The following STK32B variants were observed in gnomAD, a reference collection of about 807,000 sequenced individuals.
STK32B encodes serine/threonine kinase 32B.
A neutral mutation model predicts 52.6 loss-of-function variants in STK32B; 43 were observed. That is an observed-to-expected ratio of 0.82 (90% CI 0.64 to 1.05). The LOEUF (loss-of-function observed/expected upper bound fraction) is 1.05, where lower values mean the gene tolerates loss of function less well. Ranked by LOEUF, STK32B falls within the 50% of genes least tolerant of loss-of-function variation. STK32B has a pLI of 0.00. For missense variants in STK32B, 621 were observed against 534.6 expected (o/e 1.16, Z -1.59); for synonymous variants, 238 against 204.3 (o/e 1.17, Z -1.41).
chr4:5,102,446 T>TTCCTTCCTTCCTTCC (rs1450828668), intron 1 of STK32B, among the ~76,000 whole-genome samples: 3 of 54,444 alleles, frequency 5.5e-5, no homozygotes, highest in Non-Finnish European at 9.3e-5. Flanking sequence ...GCTTCCTTCC[T>TTCCTTCCTTCCTTCC]TCCTTCCTTC....
At chr4:5,190,376 T>A (rs1428022047) in intron 3 of STK32B, among the ~76,000 whole-genome samples, 1 of 152,118 alleles carries the variant, frequency 6.6e-6, no homozygotes, top group Non-Finnish European at 1.5e-5. Flanking sequence ...GAACTTTGCT[T>A]CTCCATTTTG....
At chr4:5,338,568 G>A (rs1488084944) in intron 4 of STK32B, among the ~76,000 whole-genome samples, 1 of 151,304 alleles carries the variant, frequency 6.6e-6, no homozygotes, top group African/African-American at 2.4e-5. Flanking sequence ...CAAATTCCCT[G>A]AGACACTAAG....
intron 3 of STK32B, among the ~76,000 whole-genome samples, chr4:5,320,360 C>G (rs946344337): frequency 1.3e-5 from 2 of 152,174 alleles, no homozygotes; most frequent in African/African-American, 4.8e-5. Context: ...ATTTTCATTA[C>G]TAAGGCTGCA....
intron 11 of STK32B, among the ~76,000 whole-genome samples, chr4:5,487,232 A>T (rs1462961929): frequency 6.6e-6 from 1 of 152,158 alleles, no homozygotes; most frequent in Non-Finnish European, 1.5e-5. Context: ...AAAAGGCCAG[A>T]AGGAAAAATC....
At chr4:5,334,125 C>A (rs1311232545) in intron 4 of STK32B, among the ~76,000 whole-genome samples, 2 of 151,854 alleles carry the variant, frequency 1.3e-5, no homozygotes, top group East Asian at 1.9e-4. Context: ...AATGTTCTTC[C>A]ATTTCTTTGT....
intron 3 of STK32B, among the ~76,000 whole-genome samples, chr4:5,222,338 C>T (rs1227620983): frequency 2.0e-5 from 3 of 152,128 alleles, no homozygotes; most frequent in African/African-American, 7.2e-5. Flanking sequence ...GAAGTGAATA[C>T]TGTAGAAACT....
intron 3 of STK32B, among the ~76,000 whole-genome samples, chr4:5,183,525 G>C (rs931915041): frequency 2.0e-5 from 3 of 151,754 alleles, no homozygotes; most frequent in African/African-American, 7.3e-5. Flanking sequence ...ACCGGCCATT[G>C]AATTCTTTCT....
At chr4:5,424,034 C>G (rs1390637208) in intron 6 of STK32B, among the ~76,000 whole-genome samples, 1 of 152,118 alleles carries the variant, frequency 6.6e-6, no homozygotes, top group Non-Finnish European at 1.5e-5. Flanking sequence ...GGCACCTGTT[C>G]CTGCTGCCTG....
chr4:5,495,655 C>A (rs1282237898), intron 11 of STK32B, among the ~76,000 whole-genome samples: 1 of 152,100 alleles, frequency 6.6e-6, no homozygotes, highest in African/African-American at 2.4e-5. Flanking sequence ...AGGCACTCTG[C>A]TTTTTAGAGT....
intron 3 of STK32B, among the ~76,000 whole-genome samples, chr4:5,221,456 CTGGGATGGATAA>C (rs1425412642): frequency 6.6e-6 from 1 of 152,056 alleles, no homozygotes; most frequent in East Asian, 1.9e-4. Context: ...TTACTGTTTG[CTGGGATGGATAA>C]TACAGATGCT....
rs757657408 is a variant in STK32B at position 5,394,089 on chromosome 4, C to T, written c.435-4118C>T. On this transcript the variant is annotated intron_variant, in intron 4 of 11. Transcript: ENST00000282908. This position sits in a 1 kb window ranked among gnomAD's most constrained non-coding sequence, Gnocchi z 4.2. ...GACACATGCAGAAACATCCTGGTGG[C>T]CCTGCTTTGCAGTCTGTGCATGGGT... is the stretch of plus-strand genomic sequence containing the variant. 6.6e-6 allele frequency among the ~76,000 whole-genome samples: 1 copy of T among 152,212 alleles called. No individual in the cohort carries two copies. Among genetic ancestry groups the T allele is most frequent in the East Asian group, 1.9e-4 (1 of 5,198 alleles).
At chr4:5,112,466 G>A (rs1328304305) in intron 1 of STK32B, among the ~76,000 whole-genome samples, 1 of 152,054 alleles carries the variant, frequency 6.6e-6, no homozygotes. Flanking sequence ...GTCCAAAGAG[G>A]GCTGATGTCC....
At chr4:5,481,000 G>A (rs1718653780) in intron 11 of STK32B, among the ~76,000 whole-genome samples, 1 of 152,018 alleles carries the variant, frequency 6.6e-6, no homozygotes, top group South Asian at 2.1e-4. Flanking sequence ...CATTTGGCTT[G>A]GTTCCAAGTC....
chr4:5,102,910 CCCTCCCCTCCCTTCT>C (rs1451544874), intron 1 of STK32B, among the ~76,000 whole-genome samples: 5 of 103,122 alleles, frequency 4.8e-5, no homozygotes, highest in African/African-American at 1.8e-4. Flanking sequence ...TTCCTCCCTC[CCCTCCCCTCCCTTCT>C]CCTCCCCTCC....
At chr4:5,281,731 A>AC (rs1728211381) in intron 3 of STK32B, among the ~76,000 whole-genome samples, 1 of 152,234 alleles carries the variant, frequency 6.6e-6, no homozygotes, top group Non-Finnish European at 1.5e-5. Context: ...AAAAAGCAAG[A>AC]CAAGAGTAAG....
intron 1 of STK32B, among the ~76,000 whole-genome samples, chr4:5,060,847 CCT>C (rs1242313136): frequency 1.3e-5 from 2 of 151,790 alleles, no homozygotes; most frequent in African/African-American, 4.8e-5. Flanking sequence ...TGTCTTTTGC[CCT>C]CCATTGTTTC....
intron 3 of STK32B, among the ~76,000 whole-genome samples, chr4:5,246,989 G>C (rs1266886721): frequency 2.0e-5 from 3 of 152,194 alleles, no homozygotes; most frequent in African/African-American, 7.2e-5. Context: ...CCCTACTGGG[G>C]GGTACCTCCC....
intron 5 of STK32B, among the ~76,000 whole-genome samples, chr4:5,406,402 C>T (rs1218287047): frequency 6.6e-6 from 1 of 152,158 alleles, no homozygotes; most frequent in Non-Finnish European, 1.5e-5. Context: ...GCCCTCTTCT[C>T]ACAACTCCAC....
chr4:5,089,905 TTCTGA>T (rs1302568260), intron 1 of STK32B, among the ~76,000 whole-genome samples: 3 of 152,232 alleles, frequency 2.0e-5, no homozygotes, highest in Admixed American at 2.0e-4. Context: ...ATAATCACCA[TTCTGA>T]CTGGCGTGAG....
Sources: allele counts gnomAD v4.1 joint callset (sites outside exome capture counted in the v4.1 genomes callset), GRCh38; gene constraint gnomAD v4.1.1; non-coding constraint Gnocchi (gnomAD v3.1); transcripts MANE v1.5; gene names NCBI Gene and HGNC (gene_info 2026-07-23, HGNC 2026-07-21).